PDE7A: variants seen among roughly 807,000 people sequenced by gnomAD.
The protein encoded by PDE7A is phosphodiesterase 7A.
Under a neutral mutation model 64.3 loss-of-function variants are expected in PDE7A, and 39 were observed. The ratio of observed to expected loss-of-function variants is 0.61; its 90% CI spans 0.47 to 0.79. The LOEUF (loss-of-function observed/expected upper bound fraction) is 0.79. PDE7A is among the 30% of genes least tolerant of loss of function. The pLI is 0.00. For missense variants in PDE7A, 470 were observed against 582.8 expected (o/e 0.81, Z 1.99); for synonymous variants, 203 against 206.8 (o/e 0.98, Z 0.16).
rs531130769 is a variant in PDE7A at position 65,729,632 on chromosome 8, C to T, written c.697-2331G>A. Among the ~76,000 whole-genome samples, 50 of 151,958 alleles carry T rather than the reference C, an allele frequency of 3.3e-4. 1 individual carries two copies. The highest frequency in any genetic ancestry group is 3.3e-3 in the East Asian group (17 of 5,170). ...AGCCTGGAGTGCAGTGGTGCGATCT[C>T]GGCTCACTGCAGCCTCTGCCTCCCA... On this transcript the variant is annotated intron_variant, in intron 7 of 12. Coordinates refer to ENST00000401827, the MANE Select transcript of PDE7A (RefSeq NM_001242318.3).
At chr8:65,751,875 C>G (rs1461894155) in intron 3 of PDE7A, among the ~76,000 whole-genome samples, 3 of 152,156 alleles carry the variant, frequency 2.0e-5, no homozygotes, top group East Asian at 1.9e-4. Flanking sequence ...ATTTTACAAC[C>G]TGTTCTGCAT....
chr8:65,815,656 A>G (rs1201473573), intron 1 of PDE7A, among the ~76,000 whole-genome samples: 1 of 152,218 alleles, frequency 6.6e-6, no homozygotes, highest in Non-Finnish European at 1.5e-5. Flanking sequence ...ATACAGGGAG[A>G]CCCAATACCT....
At chr8:65,812,086 G>A (rs1296331510) in intron 1 of PDE7A, among the ~76,000 whole-genome samples, 2 of 151,862 alleles carry the variant, frequency 1.3e-5, no homozygotes, top group South Asian at 2.1e-4. Flanking sequence ...ATGTGTCTGT[G>A]GTCCCGGCTA....
chr8:65,828,220 C>A (rs981820529), intron 1 of PDE7A, among the ~76,000 whole-genome samples: 2 of 151,888 alleles, frequency 1.3e-5, no homozygotes, highest in African/African-American at 4.8e-5. Context: ...AAGATAGGCA[C>A]TGTTAACATT....
chr8:65,804,539 GCTTTTT>G (rs1810069066), intron 1 of PDE7A, among the ~76,000 whole-genome samples: 1 of 131,778 alleles, frequency 7.6e-6, no homozygotes. Flanking sequence ...TCATTTTGTT[GCTTTTT>G]TTTTTTTTTT....
chr8:65,792,016 C>A (rs117955850), intron 1 of PDE7A, among the ~76,000 whole-genome samples: 9,582 of 151,886 alleles, frequency 0.063, 380 homozygotes, highest in Middle Eastern at 0.11. Flanking sequence ...TCTCTTTTAC[C>A]ATAAATATTA....
At chr8:65,836,612 C>T (rs1400377544) in intron 1 of PDE7A, among the ~76,000 whole-genome samples, 2 of 152,088 alleles carry the variant, frequency 1.3e-5, no homozygotes, top group Non-Finnish European at 2.9e-5. Context: ...TCAACGAAAA[C>T]CTAAAAACAA....
chr8:65,739,552 C>T lies in PDE7A; in HGVS notation c.545G>A (p.Gly182Glu). Reference protein sequence around the residue: ...SLTFHLFSLHGLIEYFHLDMM... With the variant: ...SLTFHLFSLHELIEYFHLDMM... ...ATCTAAATGGAAGTACTCAATTAAT[C>T]CATGAAGACTAAATAAATGAAAGGT... The change falls in exon 6 of 13, where the codon GGA becomes GAA. Residue 182 changes from glycine (G) to glutamate (E), a missense_variant. Gly to Glu is a moderately conservative substitution (Grantham distance 98). Coordinates refer to ENST00000401827, the MANE Select transcript of PDE7A (RefSeq NM_001242318.3). 1 of 1,563,918 alleles carries T rather than the reference C, an allele frequency of 6.4e-7. No homozygotes were observed. The highest frequency in any genetic ancestry group is 1.3e-5 in the South Asian group (1 of 79,924).
chr8:65,770,638 T>C (rs1035339071), intron 3 of PDE7A, among the ~76,000 whole-genome samples: 3 of 152,220 alleles, frequency 2.0e-5, no homozygotes, highest in Non-Finnish European at 2.9e-5. Flanking sequence ...TACATGTTCC[T>C]ATTATAAACA....
At chr8:65,829,836 T>C (rs956410350) in intron 1 of PDE7A, among the ~76,000 whole-genome samples, 2 of 152,116 alleles carry the variant, frequency 1.3e-5, no homozygotes, top group African/African-American at 4.8e-5. Context: ...TATTTCTGTA[T>C]AGCTATGGAG....
At chr8:65,796,106 A>T (rs1279248690) in intron 1 of PDE7A, among the ~76,000 whole-genome samples, 3 of 151,520 alleles carry the variant, frequency 2.0e-5, no homozygotes, top group Non-Finnish European at 2.9e-5. Flanking sequence ...CAAAAGCCAA[A>T]AAATAAATAA....
chr8:65,841,999 C>G lies in PDE7A; in HGVS notation c.-491G>C. ...CCGCCGCCGCCGCCGCCGCCGGAGT[C>G]CTGCTCCTCCCCTCCCCCGGAGCCT... On this transcript the variant is annotated 5_prime_UTR_variant, in exon 1 of 13. Coordinates refer to ENST00000401827, the MANE Select transcript of PDE7A (RefSeq NM_001242318.3). The G allele has an allele frequency of 8.1e-6, 2 of 247,482 alleles. No individual in the cohort carries two copies. The highest frequency in any genetic ancestry group is 4.1e-5 in the South Asian group (1 of 24,412). 15.3% of individuals were successfully genotyped at this position (247,482 alleles called of 1,614,324 possible). A position where few individuals can be genotyped will look rare whatever the true frequency, so the allele number is the denominator to read the frequency against.
At chr8:65,765,350 G>C (rs967992562) in intron 3 of PDE7A, among the ~76,000 whole-genome samples, 2 of 150,038 alleles carry the variant, frequency 1.3e-5, no homozygotes, top group Non-Finnish European at 1.5e-5. Context: ...TTAGCCGGGC[G>C]TAGTGGCGGG....
At chr8:65,783,742 GT>G (rs140889956) in intron 1 of PDE7A, among the ~76,000 whole-genome samples, 8,667 of 152,194 alleles carry the variant, frequency 0.057, 357 homozygotes, top group Middle Eastern at 0.11. Context: ...ATTTAGTTAA[GT>G]TCTAAATAAA....
intron 1 of PDE7A, among the ~76,000 whole-genome samples, chr8:65,791,281 A>C (rs1342613065): frequency 6.6e-6 from 1 of 152,212 alleles, no homozygotes; most frequent in Non-Finnish European, 1.5e-5. Flanking sequence ...TTTATTTCCC[A>C]GCTTTACTGC....
At chr8:65,750,474 C>CTGTGTGTGTT (rs1554559621) in intron 3 of PDE7A, among the ~76,000 whole-genome samples, 1 of 142,626 alleles carries the variant, frequency 7.0e-6, no homozygotes, top group African/African-American at 2.6e-5. Context: ...ATTAGAATCA[C>CTGTGTGTGTT]TGTGTGTGTG....
chr8:65,725,328 G>A (rs1177046168), intron 9 of PDE7A: 1 of 156,454 alleles, frequency 6.4e-6, no homozygotes, highest in African/African-American at 2.4e-5. Flanking sequence ...CCTGAGATCT[G>A]AAGGCAGAAG....
chr8:65,826,765 A>G (rs944584983), intron 1 of PDE7A, among the ~76,000 whole-genome samples: 2 of 152,178 alleles, frequency 1.3e-5, no homozygotes, highest in Admixed American at 1.3e-4. Context: ...AACAACAGAA[A>G]TATATTCTCT....
intron 5 of PDE7A, among the ~76,000 whole-genome samples, chr8:65,745,155 G>A (rs1207536419): frequency 6.6e-6 from 1 of 152,102 alleles, no homozygotes; most frequent in African/African-American, 2.4e-5. Context: ...TGTAAGATGT[G>A]CCTTTCACCT....
Sources: gnomAD v4.1 joint callset for allele counts (sites outside exome capture counted in the v4.1 genomes callset) on GRCh38, gnomAD v4.1.1 for gene constraint, MANE v1.5 for transcripts, NCBI Gene and HGNC (gene_info 2026-07-23, HGNC 2026-07-21) for gene names.